ERBB4: variants seen among roughly 807,000 people sequenced by gnomAD.
ERBB4 encodes erb-b2 receptor tyrosine kinase 4.
In ERBB4, 42 loss-of-function variants were observed where a neutral mutation model predicts 158.0. The observed-to-expected ratio is 0.27, with a 90% CI of 0.21 to 0.34. The LOEUF is 0.34. Among genes scored for constraint, ERBB4 ranks in the 10% least tolerant of loss-of-function variants. The pLI is 1.00. For synonymous variants in ERBB4, 583 were observed against 558.7 expected (o/e 1.04, Z -0.61); for missense variants, 1,333 against 1,624.1 (o/e 0.82, Z 3.08).
rs888306863 is a variant in ERBB4, at chr2:211,673,195, A to G, written c.1685T>C (p.Met562Thr). 3.1e-6 allele frequency: 5 copies of G among 1,613,704 alleles called. No individual in the cohort carries two copies. Among genetic ancestry groups the G allele is most frequent in the Non-Finnish European group, 2.5e-6 (3 of 1,179,768 alleles). ...CVECDPQCEK[M>T]EDGLLTCHGP... is the part of the protein sequence containing the mutation. ...ATGGCATGTGAGGAGGCCATCTTCC[A>G]TCTTCTCACACTGGGGGTCACACTC... The change falls in exon 14 of 28, where the codon ATG becomes ACG. Residue 562 changes from methionine to threonine, a missense_variant. This residue lies in a region of ERBB4 where 245 missense variants were observed against 247.5 expected (regional missense o/e 0.99). Coordinates refer to ENST00000342788, the MANE Select transcript of ERBB4 (RefSeq NM_005235.3).
intron 11 of ERBB4, among the ~76,000 whole-genome samples, chr2:211,703,170 TA>T (rs1204264468): frequency 1.4e-4 from 21 of 152,062 alleles, no homozygotes; most frequent in Non-Finnish European, 2.9e-4. Flanking sequence ...GACTAAGATG[TA>T]ACTCTTTCTC....
chr2:211,786,228 C>T (rs1224303072), intron 4 of ERBB4, among the ~76,000 whole-genome samples: 2 of 152,066 alleles, frequency 1.3e-5, no homozygotes, highest in African/African-American at 4.8e-5. Flanking sequence ...CTAGAGGTTG[C>T]ATTTAAAACC....
rs192581138 is a variant in ERBB4 at position 211,404,520 on chromosome 2, A to G, written c.3135+15921T>C. On this transcript the variant is annotated intron_variant, in intron 25 of 27. Coordinates refer to ENST00000342788, the MANE Select transcript of ERBB4 (RefSeq NM_005235.3). ...TCCCTCAATTTAACCTCTAAATTAT[A>G]ATAAAATAGAAAATTTACTACTTGT... is the stretch of plus-strand genomic sequence containing the variant. 5.6e-3 allele frequency among the ~76,000 whole-genome samples: 847 copies of G among 152,258 alleles called. 10 individuals carry two copies. The highest frequency in any genetic ancestry group is 0.021 in the South Asian group (103 of 4,820).
chr2:212,448,489 T>A (rs778440263), intron 1 of ERBB4, among the ~76,000 whole-genome samples: 1 of 152,184 alleles, frequency 6.6e-6, no homozygotes, highest in Admixed American at 6.5e-5. Flanking sequence ...TGTATAATCA[T>A]CCCTCAGTTG....
intron 17 of ERBB4, among the ~76,000 whole-genome samples, chr2:211,626,736 A>G (rs1386918600): frequency 2.6e-5 from 4 of 152,000 alleles, no homozygotes; most frequent in African/African-American, 9.7e-5. Flanking sequence ...CATCCTGGCT[A>G]ACACTGTGAA....
At chr2:211,944,047 G>A (rs1415070153) in intron 3 of ERBB4, among the ~76,000 whole-genome samples, 3 of 142,412 alleles carry the variant, frequency 2.1e-5, no homozygotes, top group Admixed American at 1.4e-4. Context: ...AAGTAGAAAC[G>A]CAAACCATAT....
At chr2:212,533,292 C>T (rs1177864386) in intron 1 of ERBB4, among the ~76,000 whole-genome samples, 1 of 152,118 alleles carries the variant, frequency 6.6e-6, no homozygotes, top group African/African-American at 2.4e-5. Flanking sequence ...TCTATAAAAA[C>T]AATTTAGTGG....
At chr2:212,208,371 G>C (rs886827887) in intron 1 of ERBB4, among the ~76,000 whole-genome samples, 1 of 151,822 alleles carries the variant, frequency 6.6e-6, no homozygotes, top group Non-Finnish European at 1.5e-5. Context: ...GTTCTTCTTA[G>C]TATATAATAC....
chr2:211,936,695 G>A (rs1015788699), intron 3 of ERBB4, among the ~76,000 whole-genome samples: 3 of 151,984 alleles, frequency 2.0e-5, no homozygotes, highest in African/African-American at 4.8e-5. Context: ...AGAGAACAAA[G>A]TTTAAGAAAA....
Position 212,451,845 on chromosome 2 carries a change from G to C in ERBB4, c.82+86604C>G, listed in dbSNP as rs372456000. Among the ~76,000 whole-genome samples the C allele has an allele frequency of 1.1e-4, 16 of 152,092 alleles. No homozygotes were observed. The East Asian group carries it at 1.9e-3, about 18-fold the overall frequency. On this transcript the variant is annotated intron_variant, in intron 1 of 27. Transcript: ENST00000342788. The stretch of plus-strand genomic sequence containing the variant: ...CTTTCATTTCTGTCTAGTTGCTACA[G>C]GGCGCAGCTATTCATATCTACAAAG...
At chr2:211,949,821 C>T (rs1410041067) in intron 2 of ERBB4, among the ~76,000 whole-genome samples, 6 of 152,142 alleles carry the variant, frequency 3.9e-5, no homozygotes, top group Admixed American at 3.9e-4. Flanking sequence ...ACTGTAGCCC[C>T]TACACTTTTA....
chr2:212,153,346 G>A (rs2080929958), intron 1 of ERBB4, among the ~76,000 whole-genome samples: 2 of 152,108 alleles, frequency 1.3e-5, no homozygotes, highest in South Asian at 4.1e-4. Flanking sequence ...ACACAAGACT[G>A]ACAATAGGAC....
chr2:211,597,416 T>A (rs577121034), intron 19 of ERBB4, among the ~76,000 whole-genome samples: 15 of 152,302 alleles, frequency 9.8e-5, no homozygotes, highest in African/African-American at 3.6e-4. Flanking sequence ...ATGGATTCAT[T>A]TGTACAGAAT....
intron 1 of ERBB4, among the ~76,000 whole-genome samples, chr2:212,435,282 T>A (rs1311117921): frequency 6.6e-6 from 1 of 151,944 alleles, no homozygotes; most frequent in African/African-American, 2.4e-5. Context: ...ACACCTTGAT[T>A]TCCAAGTATT....
intron 17 of ERBB4, among the ~76,000 whole-genome samples, chr2:211,626,695 C>A (rs1322504728): frequency 6.6e-6 from 1 of 152,020 alleles, no homozygotes; most frequent in Admixed American, 6.6e-5. Flanking sequence ...GAGGCCGAGG[C>A]AGGCGGATCA....
intron 2 of ERBB4, among the ~76,000 whole-genome samples, chr2:212,021,608 C>T (rs1450423068): frequency 6.6e-6 from 1 of 152,036 alleles, no homozygotes; most frequent in Non-Finnish European, 1.5e-5. Flanking sequence ...AAACCCAAAA[C>T]TATAAAAACC....
At chr2:211,690,126 A>G (rs1311772510) in intron 12 of ERBB4, among the ~76,000 whole-genome samples, 1 of 150,634 alleles carries the variant, frequency 6.6e-6, no homozygotes, top group Non-Finnish European at 1.5e-5. Context: ...TTAATATAGA[A>G]TATAGCAGTT....
intron 1 of ERBB4, among the ~76,000 whole-genome samples, chr2:212,461,461 T>G (rs984850225): frequency 6.6e-6 from 1 of 152,156 alleles, no homozygotes; most frequent in Non-Finnish European, 1.5e-5. Flanking sequence ...AGCCCCTTTG[T>G]TTTGGCCAAT....
chr2:212,123,252 A>T (rs935478220), intron 2 of ERBB4, among the ~76,000 whole-genome samples: 1 of 152,062 alleles, frequency 6.6e-6, no homozygotes, highest in Non-Finnish European at 1.5e-5. Context: ...AAGCACAAAA[A>T]ATTAGCCGGG....
Sources: allele counts gnomAD v4.1 joint callset (sites outside exome capture counted in the v4.1 genomes callset), GRCh38; gene constraint gnomAD v4.1.1; regional missense constraint gnomAD v4.1.1; transcripts MANE v1.5; gene names NCBI Gene and HGNC (gene_info 2026-07-23, HGNC 2026-07-21).